The following PELI2 variants were observed in gnomAD, a reference collection of about 807,000 sequenced individuals.
The protein encoded by PELI2 is pellino E3 ubiquitin protein ligase family member 2, also known as E3 ubiquitin-protein ligase pellino homolog 2.
PELI2 carries 23 observed loss-of-function variants against 42.3 expected under a neutral mutation model. The ratio of observed to expected loss-of-function variants is 0.54; its 90% CI spans 0.39 to 0.77. The LOEUF is 0.77. Ranked by LOEUF, PELI2 falls within the 30% of genes least tolerant of loss-of-function variation. The pLI is 0.00. For missense variants in PELI2, 463 were observed against 553.2 expected (o/e 0.84, Z 1.64); for synonymous variants, 245 against 212.2 (o/e 1.15, Z -1.34).
chr14:56,187,235 G>A (rs1173082707), intron 2 of PELI2, among the ~76,000 whole-genome samples: 2 of 152,088 alleles, frequency 1.3e-5, no homozygotes, highest in Non-Finnish European at 2.9e-5. Context: ...CTGTGAATTG[G>A]GAAATTTATT....
intron 1 of PELI2, among the ~76,000 whole-genome samples, chr14:56,168,273 A>G (rs1282214906): frequency 3.3e-5 from 5 of 150,656 alleles, no homozygotes; most frequent in Non-Finnish European, 7.4e-5. Context: ...GCCCCCCCCC[A>G]GACCCTGGGT....
Position 56,219,386 on chromosome 14 carries a change from T to C in PELI2, c.207+40922T>C, listed in dbSNP as rs569631925. Among the ~76,000 whole-genome samples, 1 of 152,308 alleles carries C rather than the reference T, an allele frequency of 6.6e-6. No homozygotes were observed. The highest frequency in any genetic ancestry group is 1.5e-5 in the Non-Finnish European group (1 of 68,022). ...CCTGAAGTTATAAACTGTTTTTAAC[T>C]CTTATCAGTCCTCCTTGATTTTCCT... is the stretch of plus-strand genomic sequence containing the variant. On this transcript the variant is annotated intron_variant, in intron 2 of 5. Transcript: ENST00000267460. The surrounding 1 kb of genome is among the most constrained non-coding windows in gnomAD (Gnocchi z 4.1).
In PELI2 at chr14:56,198,005, CA is replaced by C. The variant is rs1566632240; in HGVS notation, c.207+19542del. On this transcript the variant is annotated intron_variant, in intron 2 of 5. Coordinates refer to ENST00000267460, the MANE Select transcript of PELI2 (RefSeq NM_021255.3). ...ACACACACACACACACACACACACA[CA>C]CACACACCCACCTCTTTGGTCCACT... 2.9e-3 allele frequency among the ~76,000 whole-genome samples: 392 copies of C among 134,198 alleles called. 1 individual carries two copies. The highest frequency in any genetic ancestry group is 8.4e-3 in the African/African-American group (326 of 38,932). 88.0% of individuals were successfully genotyped at this position (134,198 alleles called of 152,430 possible).
intron 1 of PELI2, among the ~76,000 whole-genome samples, chr14:56,141,451 G>T (rs1451242254): frequency 6.6e-6 from 1 of 152,128 alleles, no homozygotes; most frequent in Non-Finnish European, 1.5e-5. Context: ...TTCTGAGGTG[G>T]AATTTGCCTC....
chr14:56,196,365 C>T (rs1886130625), intron 2 of PELI2, among the ~76,000 whole-genome samples: 1 of 152,186 alleles, frequency 6.6e-6, no homozygotes, highest in African/African-American at 2.4e-5. Flanking sequence ...CAATTTGAGC[C>T]ACAGAAAACT....
intron 3 of PELI2, among the ~76,000 whole-genome samples, chr14:56,282,083 C>T (rs1156912712): frequency 2.0e-5 from 3 of 152,126 alleles, no homozygotes; most frequent in African/African-American, 7.2e-5. Context: ...TCCTTACCTA[C>T]ATGCGCAACG....
chr14:56,287,389 G>A (rs1889680110), intron 3 of PELI2, among the ~76,000 whole-genome samples: 1 of 152,142 alleles, frequency 6.6e-6, no homozygotes, highest in African/African-American at 2.4e-5. Flanking sequence ...AATTAAAGCA[G>A]TCTGAATCAG....
At chr14:56,168,156 C>A (rs1885033612) in intron 1 of PELI2, among the ~76,000 whole-genome samples, 1 of 152,174 alleles carries the variant, frequency 6.6e-6, no homozygotes, top group South Asian at 2.1e-4. Context: ...CCAAGGCCTG[C>A]TGTAACTATT....
intron 2 of PELI2, among the ~76,000 whole-genome samples, chr14:56,262,309 A>G (rs1176696641): frequency 6.6e-6 from 1 of 152,182 alleles, no homozygotes; most frequent in Non-Finnish European, 1.5e-5. Flanking sequence ...TACTGCATGG[A>G]TAGACTTTTT....
At chr14:56,166,818 C>T (rs567611721) in intron 1 of PELI2, among the ~76,000 whole-genome samples, 26 of 151,884 alleles carry the variant, frequency 1.7e-4, no homozygotes, top group African/African-American at 5.3e-4. Context: ...GACGGAGTCT[C>T]GCTCTGTCTC....
At chr14:56,162,282 T>G (rs1566613547) in intron 1 of PELI2, among the ~76,000 whole-genome samples, 2 of 152,194 alleles carry the variant, frequency 1.3e-5, no homozygotes, top group Non-Finnish European at 2.9e-5. Flanking sequence ...TCCCAGCCAC[T>G]GGTGACCATC....
intron 1 of PELI2, 81 bp from the exon 2 acceptor site, chr14:56,178,254 C>T (rs1885453529): frequency 6.9e-7 from 1 of 1,449,894 alleles, no homozygotes; most frequent in East Asian, 2.3e-5. Flanking sequence ...CCTGTCTTTT[C>T]CCTTATTCAA....
intron 2 of PELI2, among the ~76,000 whole-genome samples, chr14:56,253,124 A>T (rs141449923): frequency 6.6e-6 from 1 of 152,208 alleles, no homozygotes; most frequent in Admixed American, 6.5e-5. Flanking sequence ...CCGTAGATGC[A>T]GAAAAGGCCA....
At chr14:56,257,424 C>T (rs561404190) in intron 2 of PELI2, among the ~76,000 whole-genome samples, 1 of 151,862 alleles carries the variant, frequency 6.6e-6, no homozygotes, top group Non-Finnish European at 1.5e-5. Context: ...GAGCATAATT[C>T]GATGGTGAAT....
chr14:56,264,836 T>C (rs571510424), intron 2 of PELI2, among the ~76,000 whole-genome samples: 2 of 152,192 alleles, frequency 1.3e-5, no homozygotes, highest in Non-Finnish European at 2.9e-5. Flanking sequence ...TGTATTTTCC[T>C]TAGGAGCAGT....
intron 2 of PELI2, among the ~76,000 whole-genome samples, chr14:56,256,602 G>T (rs1888534786): frequency 6.6e-6 from 1 of 152,068 alleles, no homozygotes; most frequent in Admixed American, 6.6e-5. Flanking sequence ...TTTTTGCAAA[G>T]ATTTTATGTG....
chr14:56,183,704 A>G (rs897167605), intron 2 of PELI2, among the ~76,000 whole-genome samples: 1 of 152,194 alleles, frequency 6.6e-6, no homozygotes, highest in Non-Finnish European at 1.5e-5. Context: ...TAATTTACTT[A>G]AAATGCAATA....
rs1890142748 is a variant in PELI2 at position 56,300,483 on chromosome 14, T to C, written c.*3317T>C. ...TTTCATGGAAAAACTCAAACCTCTG[T>C]TATTTGGGAGCTCAGTATTGTGTGG... is the stretch of plus-strand genomic sequence containing the variant. On this transcript the variant is annotated 3_prime_UTR_variant, in exon 6 of 6. Transcript: ENST00000267460. 6.6e-6 allele frequency: 1 copy of C among 152,158 alleles called. No individual in the cohort carries two copies. Among genetic ancestry groups the C allele is most frequent in the South Asian group, 2.1e-4 (1 of 4,800 alleles). The allele number at this position is 152,158 out of a possible 1,614,324, so 9.4% of individuals were successfully genotyped here.
chr14:56,208,879 A>G (rs1886613219), intron 2 of PELI2, among the ~76,000 whole-genome samples: 1 of 152,182 alleles, frequency 6.6e-6, no homozygotes, highest in South Asian at 2.1e-4. Flanking sequence ...GTATTTGGCA[A>G]CCATTTTCTA....
Sources: gnomAD v4.1 joint callset for allele counts (sites outside exome capture counted in the v4.1 genomes callset) on GRCh38, gnomAD v4.1.1 for gene constraint, Gnocchi (gnomAD v3.1) non-coding constraint, MANE v1.5 for transcripts, NCBI Gene and HGNC (gene_info 2026-07-23, HGNC 2026-07-21) for gene names.